UXS1: variants seen among roughly 807,000 people sequenced by gnomAD.
UXS1 encodes the protein UDP-glucuronate decarboxylase 1.
A neutral mutation model predicts 62.6 loss-of-function variants in UXS1; 33 were observed. The ratio of observed to expected loss-of-function variants is 0.53; its 90% CI spans 0.40 to 0.70. UXS1 has a LOEUF of 0.70. Ranked by LOEUF, UXS1 falls within the 30% of genes least tolerant of loss-of-function variation. The pLI, the probability that UXS1 is intolerant of heterozygous loss-of-function variation, is 0.00. For missense variants in UXS1, 434 were observed against 556.3 expected (o/e 0.78, Z 2.21); for synonymous variants, 213 against 206.8 (o/e 1.03, Z -0.26).
intron 6 of UXS1, among the ~76,000 whole-genome samples, chr2:106,137,218 C>T (rs949384359): frequency 6.6e-6 from 1 of 152,124 alleles, no homozygotes; most frequent in Non-Finnish European, 1.5e-5. Flanking sequence ...AAATAAAAGA[C>T]AAACTAATAT....
intron 1 of UXS1, among the ~76,000 whole-genome samples, chr2:106,191,401 C>T (rs1684927756): frequency 6.6e-6 from 1 of 152,226 alleles, no homozygotes. Flanking sequence ...ACAGACATCA[C>T]GGTTGAGGGA....
chr2:106,099,688 A>G (rs1163658567), intron 12 of UXS1, among the ~76,000 whole-genome samples: 1 of 152,214 alleles, frequency 6.6e-6, no homozygotes, highest in Non-Finnish European at 1.5e-5. Flanking sequence ...TGCCCAGGGA[A>G]GTCACTGACA....
At chr2:106,127,926 T>C (rs1680097799) in intron 7 of UXS1, among the ~76,000 whole-genome samples, 1 of 152,184 alleles carries the variant, frequency 6.6e-6, no homozygotes, top group African/African-American at 2.4e-5. Flanking sequence ...TTTGGGAGAC[T>C]TTCCTTTCCT....
At chr2:106,101,297 G>A in intron 11 of UXS1, 179 bp from the exon 12 acceptor site, 1 of 609,028 alleles carries the variant, frequency 1.6e-6, no homozygotes, top group Non-Finnish European at 2.8e-6. Flanking sequence ...CAATGCGAAA[G>A]TATTTATGGA....
chr2:106,159,372 G>C (rs1233672675), intron 4 of UXS1: 1 of 152,212 alleles, frequency 6.6e-6, no homozygotes, highest in Non-Finnish European at 1.5e-5. Flanking sequence ...TCCTCTTCCT[G>C]ACCAGCGTCC....
intron 4 of UXS1, chr2:106,159,300 G>C (rs565627053): frequency 2.0e-4 from 31 of 152,344 alleles, no homozygotes; most frequent in Middle Eastern, 3.4e-3. Context: ...CGCTCCACAA[G>C]AGCGAGAAGA....
chr2:106,127,477 T>A (rs1680057375), intron 7 of UXS1, among the ~76,000 whole-genome samples: 1 of 152,244 alleles, frequency 6.6e-6, no homozygotes, highest in African/African-American at 2.4e-5. Flanking sequence ...TAAGACTATT[T>A]CTGTAGCACT....
chr2:106,124,512 A>G (rs1191663908), intron 8 of UXS1, among the ~76,000 whole-genome samples: 1 of 152,038 alleles, frequency 6.6e-6, no homozygotes, highest in Non-Finnish European at 1.5e-5. Flanking sequence ...AATACTCCAC[A>G]AAAGTTTACT....
intron 6 of UXS1, among the ~76,000 whole-genome samples, chr2:106,137,498 C>T (rs1476250034): frequency 2.0e-5 from 3 of 152,048 alleles, no homozygotes; most frequent in Non-Finnish European, 4.4e-5. Flanking sequence ...AAGTTGAAAA[C>T]CAAATGAGGG....
chr2:106,154,941 A>G (rs1469146681), intron 5 of UXS1, among the ~76,000 whole-genome samples: 1 of 152,246 alleles, frequency 6.6e-6, no homozygotes, highest in African/African-American at 2.4e-5. Context: ...GCATGGCTCC[A>G]GCATCTGCTT....
At position 106,096,609 on chromosome 2, in the gene UXS1, C is replaced by T; in HGVS notation, c.1146+109G>A. ...CCTCTATCTGCCTGGATGCCGAGCC[C>T]ACCTTGCTCCTCCGGGGGCTGTCTG... On this transcript the variant is annotated intron_variant, in intron 14 of 14. Coordinates refer to ENST00000283148, the MANE Select transcript of UXS1 (RefSeq NM_001253875.2). 2 of 936,126 alleles carry T rather than the reference C, an allele frequency of 2.1e-6. 1 individual carries two copies. The highest frequency in any genetic ancestry group is 3.1e-6 in the Non-Finnish European group (2 of 643,000). 58.0% of individuals were successfully genotyped at this position (936,126 alleles called of 1,614,324 possible).
intron 5 of UXS1, among the ~76,000 whole-genome samples, chr2:106,149,163 T>TTAACC: frequency 6.6e-6 from 1 of 152,206 alleles, no homozygotes; most frequent in Non-Finnish European, 1.5e-5. Context: ...AGAAATGTGC[T>TTAACC]TAACCTATGA....
chr2:106,108,947 C>T (rs1337794153), intron 10 of UXS1, among the ~76,000 whole-genome samples: 3 of 151,230 alleles, frequency 2.0e-5, no homozygotes, highest in East Asian at 2.0e-4. Flanking sequence ...CCCTTACCCT[C>T]GATATCTGAT....
intron 1 of UXS1, among the ~76,000 whole-genome samples, chr2:106,172,325 C>A (rs906916077): frequency 6.6e-6 from 1 of 152,164 alleles, no homozygotes; most frequent in African/African-American, 2.4e-5. Flanking sequence ...GGAGGACTTA[C>A]CCCTTTATTG....
intron 4 of UXS1, among the ~76,000 whole-genome samples, chr2:106,161,677 A>G: frequency 6.6e-6 from 1 of 152,198 alleles, no homozygotes; most frequent in Non-Finnish European, 1.5e-5. Context: ...TTAGCCAGTA[A>G]GCAGTATTCT....
At chr2:106,178,521 TATG>T (rs1684037047) in intron 1 of UXS1, among the ~76,000 whole-genome samples, 2 of 274 alleles carry the variant, frequency 7.3e-3, no homozygotes, top group Non-Finnish European at 0.05. Flanking sequence ...TATACAAGTC[TATG>T]TATATGTATG....
intron 12 of UXS1, 58 bp downstream of exon 12, chr2:106,101,000 T>C (rs1477211837): frequency 1.2e-6 from 2 of 1,604,720 alleles, no homozygotes; most frequent in Non-Finnish European, 1.7e-6. Flanking sequence ...TGCTCATGGT[T>C]TCACAAATGA....
At chr2:106,154,393 AG>A (rs1262360364) in intron 5 of UXS1, among the ~76,000 whole-genome samples, 1 of 152,208 alleles carries the variant, frequency 6.6e-6, no homozygotes, top group African/African-American at 2.4e-5. Flanking sequence ...TTGAAAATAG[AG>A]CCCCTACAGA....
At chr2:106,182,715 T>C (rs1684322165) in intron 1 of UXS1, among the ~76,000 whole-genome samples, 1 of 150,106 alleles carries the variant, frequency 6.7e-6, no homozygotes, top group African/African-American at 2.5e-5. Flanking sequence ...TCCCCACCTA[T>C]GAAATGGAGA....
Sources: gnomAD v4.1 joint callset for allele counts (sites outside exome capture counted in the v4.1 genomes callset) on GRCh38, gnomAD v4.1.1 for gene constraint, MANE v1.5 for transcripts, NCBI Gene and HGNC (gene_info 2026-07-23, HGNC 2026-07-21) for gene names.